The following FCHSD2 variants were observed in gnomAD, a reference collection of about 807,000 sequenced individuals.
FCHSD2 encodes the protein FCH and double SH3 domains 2.
Under a neutral mutation model 108.1 loss-of-function variants are expected in FCHSD2, and 38 were observed. That is an observed-to-expected ratio of 0.35 (90% CI 0.27 to 0.46). The LOEUF is 0.46. Ranked by LOEUF, FCHSD2 falls within the 20% of genes least tolerant of loss-of-function variation. FCHSD2 has a pLI of 1.00. For missense variants in FCHSD2, 751 were observed against 897.8 expected, an observed-to-expected ratio of 0.84 and a Z score of 2.09; for synonymous variants, 279 against 314.7, an observed-to-expected ratio of 0.89 and a Z score of 1.20.
intron 3 of FCHSD2, among the ~76,000 whole-genome samples, chr11:73,070,980 G>C (rs1416387503): frequency 6.6e-6 from 1 of 152,110 alleles, no homozygotes; most frequent in Non-Finnish European, 1.5e-5. Context: ...CAGATGGGAA[G>C]GGCCTTTACA....
chr11:73,096,333 G>A (rs1860074338), intron 2 of FCHSD2, among the ~76,000 whole-genome samples: 1 of 148,008 alleles, frequency 6.8e-6, no homozygotes, highest in Non-Finnish European at 1.5e-5. Context: ...TTGAGGTCAG[G>A]AGTTCGAGAC....
intron 9 of FCHSD2, among the ~76,000 whole-genome samples, chr11:72,920,942 A>G (rs1330692037): frequency 6.6e-6 from 1 of 152,182 alleles, no homozygotes; most frequent in African/African-American, 2.4e-5. Flanking sequence ...AGTGAAAACA[A>G]GAATATATAT....
At chr11:72,968,035 G>T (rs966510013) in intron 8 of FCHSD2, among the ~76,000 whole-genome samples, 2 of 148,308 alleles carry the variant, frequency 1.3e-5, no homozygotes, top group Non-Finnish European at 3.0e-5. Flanking sequence ...AGCTTGCAGT[G>T]AGCCGAGATC....
At chr11:72,847,633 G>A (rs1299440100) in intron 14 of FCHSD2, among the ~76,000 whole-genome samples, 1 of 151,634 alleles carries the variant, frequency 6.6e-6, no homozygotes, top group Non-Finnish European at 1.5e-5. Context: ...TACTTCCTTA[G>A]GATGGATGCT....
intron 14 of FCHSD2, among the ~76,000 whole-genome samples, chr11:72,847,727 C>G (rs1413881405): frequency 7.2e-6 from 1 of 139,168 alleles, no homozygotes; most frequent in African/African-American, 2.7e-5. Context: ...GAGTCTCGCT[C>G]TGTCACCCAG....
chr11:72,946,113 A>C (rs1482650745), intron 8 of FCHSD2, among the ~76,000 whole-genome samples: 3 of 152,190 alleles, frequency 2.0e-5, no homozygotes, highest in African/African-American at 7.2e-5. Flanking sequence ...TTATTGTGGC[A>C]CTATTCAAAA....
chr11:73,101,429 T>C (rs1565411001), intron 2 of FCHSD2, among the ~76,000 whole-genome samples: 2 of 152,028 alleles, frequency 1.3e-5, no homozygotes, highest in Non-Finnish European at 2.9e-5. Context: ...ACTCTTGTTG[T>C]TATTGTTGTT....
chr11:72,981,119 T>G (rs1381871426), intron 8 of FCHSD2, among the ~76,000 whole-genome samples: 4 of 152,078 alleles, frequency 2.6e-5, no homozygotes, highest in Admixed American at 2.6e-4. Context: ...ACTATAGAAT[T>G]AGCATGAGGA....
chr11:72,901,479 A>AT, intron 10 of FCHSD2, among the ~76,000 whole-genome samples: 1 of 152,274 alleles, frequency 6.6e-6, no homozygotes, highest in Non-Finnish European at 1.5e-5. Context: ...CAGAAAGTAG[A>AT]TTAATGATGT....
rs2135308327 is a variant in FCHSD2, at chr11:72,919,847, T to C, written c.828+1981A>G. On this transcript the variant is annotated intron_variant, in intron 9 of 19. Transcript: ENST00000409418. Reference sequence around the variant, plus strand: ...GTTGGATTAAAAATACAATTTATAATAAAATTAGAAATAAAAATGTCACCC... The same window carrying C: ...GTTGGATTAAAAATACAATTTATAACAAAATTAGAAATAAAAATGTCACCC... 1.3e-5 allele frequency among the ~76,000 whole-genome samples: 2 copies of C among 151,822 alleles called. 1 individual carries two copies. Among genetic ancestry groups the C allele is most frequent in the Middle Eastern group, 6.8e-3 (2 of 294 alleles).
At chr11:72,977,555 G>A (rs1012468118) in intron 8 of FCHSD2, among the ~76,000 whole-genome samples, 3 of 152,216 alleles carry the variant, frequency 2.0e-5, no homozygotes, top group Non-Finnish European at 2.9e-5. Context: ...TCAGAGAAAT[G>A]CAAATCAAAA....
chr11:73,129,809 C>G (rs192385945), intron 2 of FCHSD2, among the ~76,000 whole-genome samples: 17 of 152,040 alleles, frequency 1.1e-4, no homozygotes, highest in Admixed American at 6.6e-4. Flanking sequence ...GGGACCACTG[C>G]TGTAAACTAG....
chr11:72,902,950 C>T (rs1855556846), intron 9 of FCHSD2, among the ~76,000 whole-genome samples: 1 of 152,090 alleles, frequency 6.6e-6, no homozygotes, highest in Non-Finnish European at 1.5e-5. Flanking sequence ...TTCTGTGTAA[C>T]ACAGAATAGT....
chr11:72,908,371 G>T (rs187171619), intron 9 of FCHSD2, among the ~76,000 whole-genome samples: 18 of 152,246 alleles, frequency 1.2e-4, no homozygotes, highest in Non-Finnish European at 2.4e-4. Flanking sequence ...TTGATATATT[G>T]ATTTCCTTTC....
At chr11:72,921,255 A>C (rs192685910) in intron 9 of FCHSD2, among the ~76,000 whole-genome samples, 1 of 152,344 alleles carries the variant, frequency 6.6e-6, no homozygotes, top group African/African-American at 2.4e-5. Context: ...AAAACATTTT[A>C]ATCTATCAAA....
intron 11 of FCHSD2, 64 bp from the exon 12 acceptor site, chr11:72,887,638 A>G: frequency 7.6e-6 from 8 of 1,047,730 alleles, no homozygotes; most frequent in East Asian, 2.8e-5. Context: ...TTAAGTGATT[A>G]AAGTATTTAC....
chr11:72,912,324 AC>A (rs1305527649), intron 9 of FCHSD2, among the ~76,000 whole-genome samples: 2 of 152,156 alleles, frequency 1.3e-5, no homozygotes, highest in African/African-American at 4.8e-5. Context: ...TTCCCTCTAT[AC>A]CCAGTTTATT....
rs115930873 is a variant in FCHSD2, at chr11:72,980,151, T to G, written c.705+3937A>C. On this transcript the variant is annotated intron_variant, in intron 8 of 19. Coordinates refer to ENST00000409418, the MANE Select transcript of FCHSD2 (RefSeq NM_014824.3). ...AACGGTTTCTATCGTCTCTGTAAAT[T>G]AGGAAGAAAACCCACTTGCTAAGCA... Among the ~76,000 whole-genome samples, 1,381 of 152,146 alleles carry G rather than the reference T, an allele frequency of 9.1e-3. 22 individuals are homozygous for G. The highest frequency in any genetic ancestry group is 0.03 in the African/African-American group (1,258 of 41,498).
At chr11:72,875,744 T>C (rs1854955265) in intron 12 of FCHSD2, among the ~76,000 whole-genome samples, 4 of 152,216 alleles carry the variant, frequency 2.6e-5, no homozygotes. Context: ...CTGGTATCCA[T>C]GTAGTCCACT....
Sources: gnomAD v4.1 joint callset for allele counts (sites outside exome capture counted in the v4.1 genomes callset) on GRCh38, gnomAD v4.1.1 for gene constraint, MANE v1.5 for transcripts, NCBI Gene and HGNC (gene_info 2026-07-23, HGNC 2026-07-21) for gene names.